BEND7: variants seen among roughly 807,000 people sequenced by gnomAD.
BEND7 encodes the protein BEN domain-containing protein 7.
Under a neutral mutation model 50.9 loss-of-function variants are expected in BEND7, and 28 were observed. The observed-to-expected ratio is 0.55, with a 90% confidence interval of 0.41 to 0.75. BEND7 has a LOEUF of 0.75. Among genes scored for constraint, BEND7 ranks in the 30% least tolerant of loss-of-function variants. BEND7 has a pLI of 0.00. For synonymous variants in BEND7, 170 were observed against 183.9 expected (o/e 0.92, Z 0.61); for missense variants, 477 against 491.3 (o/e 0.97, Z 0.28).
chr10:13,475,545 C>T (rs1178515038), intron 6 of BEND7, among the ~76,000 whole-genome samples: 3 of 152,196 alleles, frequency 2.0e-5, no homozygotes, highest in Admixed American at 6.5e-5. Flanking sequence ...CACAGTGGAG[C>T]TGATTCTCAC....
intron 8 of BEND7, chr10:13,446,979 A>G (rs1183432957): frequency 2.4e-6 from 1 of 410,748 alleles, no homozygotes; most frequent in Non-Finnish European, 4.3e-6. Flanking sequence ...ATATTTTGTA[A>G]TGTCCAAAGG....
chr10:13,473,177 T>C (rs544414112), intron 6 of BEND7, among the ~76,000 whole-genome samples: 56 of 150,168 alleles, frequency 3.7e-4, no homozygotes, highest in African/African-American at 1.1e-3. Context: ...TCAGGACCAA[T>C]ATCATCATCG....
At chr10:13,474,488 G>A (rs1290195554) in intron 6 of BEND7, among the ~76,000 whole-genome samples, 8 of 151,980 alleles carry the variant, frequency 5.3e-5, no homozygotes, top group African/African-American at 1.2e-4. Context: ...TGTTACACTC[G>A]GGGCCGATAC....
chr10:13,499,862 G>A lies in BEND7; in HGVS notation c.364C>T (p.Pro122Ser), dbSNP rs1349700738. 2 of 1,614,060 alleles carry A rather than the reference G, an allele frequency of 1.2e-6. No homozygotes were observed. The highest frequency in any genetic ancestry group is 2.7e-5 in the African/African-American group (2 of 74,916). The change falls in exon 3 of 9, where the codon CCC (proline) becomes TCC (serine). Residue 122 changes from proline to serine, a missense_variant. Physicochemically the swap from Pro to Ser is moderately conservative, Grantham distance 74 (BLOSUM62 -1). This residue lies in a region of BEND7 where 396 missense variants were observed against 384.2 expected (regional missense o/e 1.03). Transcript: ENST00000466271. ...SSRGVWNELP[P>S]QSGQFSGQYG... ...TGCCCTGAGAACTGTCCACTCTGGG[G>A]CGGTAGCTCATTCCACACACCACGT... is the stretch of plus-strand genomic sequence containing the variant.
At chr10:13,496,520 G>T (rs2077029231) in intron 4 of BEND7, among the ~76,000 whole-genome samples, 2 of 152,194 alleles carry the variant, frequency 1.3e-5, no homozygotes, top group Admixed American at 1.3e-4. Flanking sequence ...GGAGATCATG[G>T]AATGAAGTCT....
At position 13,452,650 on chromosome 10, in the gene BEND7, C is replaced by T; in HGVS notation, c.1072G>A (p.Glu358Lys). The change falls in exon 7 of 9, where the codon GAA becomes AAA. Residue 358 changes from glutamate to lysine, a missense_variant. Coordinates refer to ENST00000466271, the MANE Select transcript of BEND7 (RefSeq NM_001369863.1). Reference protein sequence around the residue: ...NIVGAIKVFTEKYCTANHVDK... With the variant: ...NIVGAIKVFTKKYCTANHVDK... The stretch of plus-strand genomic sequence containing the variant: ...ACATGGTTAGCTGTACAGTACTTTT[C>T]TGTGAAGACTGAAAGAAAATGTAAA... 1 of 1,586,498 alleles carries T rather than the reference C, an allele frequency of 6.3e-7. No individual in the cohort carries two copies. Among genetic ancestry groups the T allele is most frequent in the South Asian group, 1.2e-5 (1 of 85,812 alleles).
chr10:13,446,536 A>G (rs1334607766), intron 8 of BEND7: 1 of 152,254 alleles, frequency 6.6e-6, no homozygotes, highest in Non-Finnish European at 1.5e-5. Flanking sequence ...GGAAGTCAGT[A>G]GAGTCCTGTG....
At chr10:13,513,427 C>A (rs933479430) in intron 2 of BEND7, among the ~76,000 whole-genome samples, 3 of 152,222 alleles carry the variant, frequency 2.0e-5, no homozygotes, top group Admixed American at 2.0e-4. Flanking sequence ...ATCTCAAAAG[C>A]AACCTTAACA....
chr10:13,486,162 T>G (rs1027133640), intron 5 of BEND7, among the ~76,000 whole-genome samples: 1 of 152,236 alleles, frequency 6.6e-6, no homozygotes, highest in African/African-American at 2.4e-5. Context: ...TACAGGCATG[T>G]GCTACCCTGC....
intron 6 of BEND7, among the ~76,000 whole-genome samples, chr10:13,467,798 G>A (rs2074399688): frequency 6.6e-6 from 1 of 152,036 alleles, no homozygotes; most frequent in Non-Finnish European, 1.5e-5. Context: ...CTGTGGGAGT[G>A]CTGTTTTGAT....
At chr10:13,510,086 CAA>C (rs2078173263) in intron 2 of BEND7, among the ~76,000 whole-genome samples, 1 of 151,896 alleles carries the variant, frequency 6.6e-6, no homozygotes, top group South Asian at 2.1e-4. Flanking sequence ...ATAATCAAGT[CAA>C]AGAGTTAAAT....
downstream of BEND7, among the ~76,000 whole-genome samples, chr10:13,440,125 A>G (rs1432978168): frequency 6.6e-6 from 1 of 152,124 alleles, no homozygotes; most frequent in African/African-American, 2.4e-5. Flanking sequence ...AGCGTCTTCC[A>G]GGGGAGCCTC....
chr10:13,468,000 C>T (rs747023823), intron 6 of BEND7, among the ~76,000 whole-genome samples: 1 of 152,078 alleles, frequency 6.6e-6, no homozygotes, highest in Non-Finnish European at 1.5e-5. Context: ...AGACAAGACA[C>T]CCTAATATAA....
intron 2 of BEND7, among the ~76,000 whole-genome samples, chr10:13,523,427 C>T (rs2079213671): frequency 1.3e-5 from 2 of 152,228 alleles, no homozygotes; most frequent in South Asian, 4.1e-4. Context: ...GTGGGAACCT[C>T]TGCCACATTC....
upstream of BEND7, chr10:13,529,054 A>AGGAGGGGCGCCGGC (rs2079579869): frequency 7.0e-6 from 1 of 143,138 alleles, no homozygotes; most frequent in African/African-American, 2.5e-5. Flanking sequence ...CCCCCGCGGG[A>AGGAGGGGCGCCGGC]GGAGGGGCGC....
At chr10:13,450,679 A>G (rs1310354637) in intron 7 of BEND7, among the ~76,000 whole-genome samples, 4 of 152,170 alleles carry the variant, frequency 2.6e-5, no homozygotes, top group Non-Finnish European at 4.4e-5. Flanking sequence ...ATCTGGGCAG[A>G]TCATCTAAAC....
chr10:13,457,301 A>G (rs373418785), intron 6 of BEND7, among the ~76,000 whole-genome samples: 1 of 152,190 alleles, frequency 6.6e-6, no homozygotes, highest in South Asian at 2.1e-4. Flanking sequence ...CTCCCATGTC[A>G]TGAGGGGGTT....
chr10:13,499,980 C>G lies in BEND7; in HGVS notation c.246G>C (p.Glu82Asp). The change falls in exon 3 of 9, where the codon GAG (glutamate) becomes GAC (aspartate). Residue 82 changes from glutamate to aspartate, a missense_variant. By Grantham distance (45) the Glu-to-Asp change is conservative. Around this residue, in one of 3 missense-constraint regions of BEND7, gnomAD observed 396 missense variants for 384.2 expected, o/e 1.03. Transcript: ENST00000466271. ...GGTCCTGGGGCTCTTCTTTTAGTTTCTCTCCTTCTTTGCCAACTCGCTGAT... is the reference window on the plus strand; with the variant it reads ...GGTCCTGGGGCTCTTCTTTTAGTTTGTCTCCTTCTTTGCCAACTCGCTGAT... ...RIYQRVGKEG[E>D]KLKEEPQDLD... 4.3e-6 allele frequency: 7 copies of G among 1,614,208 alleles called. No homozygotes were observed. Among genetic ancestry groups the G allele is most frequent in the Non-Finnish European group, 5.9e-6 (7 of 1,180,026 alleles).
intron 6 of BEND7, among the ~76,000 whole-genome samples, chr10:13,460,783 C>T (rs947245129): frequency 1.3e-5 from 2 of 152,236 alleles, no homozygotes; most frequent in Non-Finnish European, 2.9e-5. Flanking sequence ...TGTTCTCTGA[C>T]ACTGTACACA....
Sources: allele counts gnomAD v4.1 joint callset (sites outside exome capture counted in the v4.1 genomes callset), GRCh38; gene constraint gnomAD v4.1.1; regional missense constraint gnomAD v4.1.1; transcripts MANE v1.5; gene names NCBI Gene and HGNC (gene_info 2026-07-23, HGNC 2026-07-21).